The following EML6 variants were observed in gnomAD, a reference collection of about 807,000 sequenced individuals.
EML6 encodes the protein EMAP like 6, also known as echinoderm microtubule-associated protein-like 6.
In EML6, 154 loss-of-function variants were observed where a neutral mutation model predicts 240.1. The ratio of observed to expected loss-of-function variants is 0.64; its 90% CI spans 0.56 to 0.73. The LOEUF (loss-of-function observed/expected upper bound fraction) is 0.73, where lower values mean the gene tolerates loss of function less well. Among genes scored for constraint, EML6 ranks in the 30% least tolerant of loss-of-function variants. EML6 has a pLI of 0.00. For missense variants in EML6, 2,964 were observed against 2,474.6 expected (o/e 1.20, Z -4.20); for synonymous variants, 1,148 against 899.0 (o/e 1.28, Z -4.95).
chr2:54,954,717 C>T (rs557067480), intron 32 of EML6, among the ~76,000 whole-genome samples: 4 of 152,292 alleles, frequency 2.6e-5, no homozygotes, highest in South Asian at 4.1e-4. Context: ...TGCACACACA[C>T]CTCACACACA....
chr2:54,957,737 G>A (rs1006829733), intron 32 of EML6, 53 bp from the exon 33 acceptor site: 52 of 1,522,250 alleles, frequency 3.4e-5, no homozygotes, highest in East Asian at 1.5e-4. Flanking sequence ...CGGCTCCCCC[G>A]GCCTGGCCCA....
chr2:54,952,569 C>T (rs1204513390), intron 30 of EML6, 25 bp from the exon 31 acceptor site: 1 of 1,495,588 alleles, frequency 6.7e-7, no homozygotes, highest in African/African-American at 1.4e-5. Context: ...CCACTGTTCA[C>T]CCTCCCATGA....
intron 2 of EML6, among the ~76,000 whole-genome samples, chr2:54,803,385 AGGGGTTGACAGTGGTAATAAATCAT>A (rs750562002): frequency 2.6e-5 from 4 of 152,180 alleles, no homozygotes; most frequent in Non-Finnish European, 5.9e-5. Flanking sequence ...TTGAGGGGTA[AGGGGTTGACAGTGGTAATAAATCAT>A]TGGGCTTTTT....
chr2:54,806,378 T>C (rs1157728302), intron 2 of EML6, among the ~76,000 whole-genome samples: 1 of 151,946 alleles, frequency 6.6e-6, no homozygotes, highest in Non-Finnish European at 1.5e-5. Flanking sequence ...TTTGGGAGGC[T>C]GAGGTCGGTG....
chr2:54,749,497 A>G (rs1022539574), intron 2 of EML6, among the ~76,000 whole-genome samples: 1 of 152,154 alleles, frequency 6.6e-6, no homozygotes, highest in African/African-American at 2.4e-5. Context: ...ATCGATGCAG[A>G]GAGAAGATAA....
intron 24 of EML6, among the ~76,000 whole-genome samples, chr2:54,906,603 C>T (rs756737444): frequency 1.3e-5 from 2 of 152,172 alleles, no homozygotes; most frequent in South Asian, 2.1e-4. Flanking sequence ...AGGGTCCCTG[C>T]AGGCAGGTGA....
Position 54,971,586 on chromosome 2 carries a change from A to C in EML6, c.*1491A>C, listed in dbSNP as rs1677014999. The C allele has an allele frequency of 6.6e-6, 1 of 152,226 alleles. No individual in the cohort carries two copies. The highest frequency in any genetic ancestry group is 2.4e-5 in the African/African-American group (1 of 41,460). The allele number at this position is 152,226 out of a possible 1,614,324, so 9.4% of individuals were successfully genotyped here. ...AATGGATTAGATCACTCATTAAGCTATTTTTATATGCCAATTTACTAATGC... is the reference window on the plus strand; with the variant it reads ...AATGGATTAGATCACTCATTAAGCTCTTTTTATATGCCAATTTACTAATGC... On this transcript the variant is annotated 3_prime_UTR_variant, in exon 42 of 42. Transcript: ENST00000356458.
At position 54,725,405 on chromosome 2, in the gene EML6, T is replaced by G. The variant is rs893724358; in HGVS notation, c.197+147T>G. The G allele has an allele frequency of 1.7e-6, 1 of 574,934 alleles. No individual in the cohort carries two copies. Among genetic ancestry groups the G allele is most frequent in the Non-Finnish European group, 2.8e-6 (1 of 354,440 alleles). 35.6% of individuals were successfully genotyped at this position (574,934 alleles called of 1,614,324 possible). On this transcript the variant is annotated intron_variant, in intron 2 of 41. Transcript: ENST00000356458. This position sits in a 1 kb window ranked among gnomAD's most constrained non-coding sequence, Gnocchi z 4.3. Reference sequence around the variant, plus strand: ...ATGGAATTACTGAAGGGCTGCTGATTCTAGGGCCAGGGCAGAAACAGTGTG... The same window carrying G: ...ATGGAATTACTGAAGGGCTGCTGATGCTAGGGCCAGGGCAGAAACAGTGTG...
At chr2:54,841,553 C>T (rs1177650052) in intron 7 of EML6, among the ~76,000 whole-genome samples, 1 of 150,978 alleles carries the variant, frequency 6.6e-6, no homozygotes, top group Middle Eastern at 3.2e-3. Context: ...TTCTGTTGTC[C>T]CAGCATCCCA....
chr2:54,951,155 A>AT (rs1160515870), intron 30 of EML6, among the ~76,000 whole-genome samples: 1 of 152,180 alleles, frequency 6.6e-6, no homozygotes, highest in Non-Finnish European at 1.5e-5. Context: ...ACAATGAGCT[A>AT]TTTTTTAACA....
At chr2:54,937,965 G>T (rs1235871348) in intron 28 of EML6, among the ~76,000 whole-genome samples, 1 of 152,184 alleles carries the variant, frequency 6.6e-6, no homozygotes, top group Non-Finnish European at 1.5e-5. Context: ...AAAGAGGTTT[G>T]CTTTAATCCC....
intron 28 of EML6, among the ~76,000 whole-genome samples, chr2:54,945,705 C>G (rs1675663074): frequency 6.6e-6 from 1 of 152,236 alleles, no homozygotes; most frequent in African/African-American, 2.4e-5. Flanking sequence ...ACCTCTTGCT[C>G]TGTCAGCCCA....
At chr2:54,949,089 C>T in intron 29 of EML6, 129 bp downstream of exon 29, 1 of 701,190 alleles carries the variant, frequency 1.4e-6, no homozygotes, top group Non-Finnish European at 2.5e-6. Context: ...TCTTTTGTCC[C>T]CTCTCCCTCC....
chr2:54,726,331 C>G (rs1682905417), intron 2 of EML6, among the ~76,000 whole-genome samples: 1 of 152,170 alleles, frequency 6.6e-6, no homozygotes, highest in South Asian at 2.1e-4. Flanking sequence ...TTGTCTTTCA[C>G]AATGAAATAA....
intron 7 of EML6, among the ~76,000 whole-genome samples, chr2:54,833,051 T>C (rs1558590157): frequency 6.6e-6 from 1 of 152,270 alleles, no homozygotes; most frequent in Non-Finnish European, 1.5e-5. Flanking sequence ...AACAGCCAAA[T>C]AGTTTTCTAA....
intron 24 of EML6, among the ~76,000 whole-genome samples, chr2:54,908,201 C>T (rs1010422575): frequency 6.6e-6 from 1 of 151,680 alleles, no homozygotes; most frequent in Non-Finnish European, 1.5e-5. Flanking sequence ...CCCACTCAAA[C>T]CAGCTTAAAC....
rs1476585237 is a variant in EML6 at position 54,960,290 on chromosome 2, A to G, written c.4924A>G (p.Thr1642Ala). Residue 1642 changes from threonine to alanine, a missense_variant, in exon 35 of 42, where the codon ACC (threonine) becomes GCC (alanine). By Grantham distance (58) the Thr-to-Ala change is moderately conservative (BLOSUM62 0). Transcript: ENST00000356458. ...GCGCTGCCGGGCCTTTCAGCTGGAG[A>G]CCGGGCAGCTGGTGGAGTGTGTGCG... ...MKRCRAFQLE[T>A]GQLVECVRSV... 1.9e-6 allele frequency: 3 copies of G among 1,551,242 alleles called. No individual in the cohort carries two copies. The African/African-American group carries it at 4.1e-5, about 21-fold the overall frequency.
At position 54,905,321 on chromosome 2, in the gene EML6, G is replaced by GACACACACACAC. The variant is rs70944194; in HGVS notation, c.3409+1865_3409+1876dup. On this transcript the variant is annotated intron_variant, in intron 24 of 41. Coordinates refer to ENST00000356458, the MANE Select transcript of EML6 (RefSeq NM_001039753.4). Reference sequence around the variant, plus strand: ...GTCTGATTAACTTTATTTAGAATCCGACACACACACACACACACACACACA... The same window carrying GACACACACACAC: ...GTCTGATTAACTTTATTTAGAATCCGACACACACACACACACACACACACACACACACACACA... 2.2e-3 allele frequency among the ~76,000 whole-genome samples: 269 copies of GACACACACACAC among 121,642 alleles called. 1 individual carries two copies. The highest frequency in any genetic ancestry group is 7.6e-3 in the African/African-American group (242 of 31,666). The allele number at this position is 121,642 out of a possible 152,430, so 79.8% of individuals were successfully genotyped here. A position where few individuals can be genotyped will look rare whatever the true frequency, so the allele number is the denominator to read the frequency against.
intron 5 of EML6, among the ~76,000 whole-genome samples, chr2:54,823,963 G>A (rs889556516): frequency 1.3e-5 from 2 of 150,976 alleles, no homozygotes; most frequent in African/African-American, 4.9e-5. Context: ...AACCCAGTAG[G>A]GGCACAATAA....
Sources: allele counts gnomAD v4.1 joint callset (sites outside exome capture counted in the v4.1 genomes callset), GRCh38; gene constraint gnomAD v4.1.1; non-coding constraint Gnocchi (gnomAD v3.1); transcripts MANE v1.5; gene names NCBI Gene and HGNC (gene_info 2026-07-23, HGNC 2026-07-21).